MTHFD2L: variants seen among roughly 807,000 people sequenced by gnomAD.
MTHFD2L encodes the protein methylenetetrahydrofolate dehydrogenase (NADP+ dependent) 2 like, also known as bifunctional methylenetetrahydrofolate dehydrogenase/cyclohydrolase 2, mitochondrial.
MTHFD2L carries 29 observed loss-of-function variants against 34.9 expected under a neutral mutation model. The observed-to-expected ratio is 0.83, with a 90% CI of 0.62 to 1.13. The LOEUF is 1.13. Ranked by LOEUF, MTHFD2L falls within the 50% of genes most tolerant of loss-of-function variation. The pLI is 0.00. For missense variants in MTHFD2L, 481 were observed against 446.5 expected (o/e 1.08, Z -0.70); for synonymous variants, 167 against 155.7 (o/e 1.07, Z -0.54).
chr4:74,239,428 G>T (rs765036541), intron 6 of MTHFD2L, among the ~76,000 whole-genome samples: 1 of 151,086 alleles, frequency 6.6e-6, no homozygotes. Context: ...AATGGCCCAT[G>T]TATACCTATG....
intron 1 of MTHFD2L, among the ~76,000 whole-genome samples, chr4:74,138,990 T>G (rs527605551): frequency 6.6e-6 from 1 of 152,276 alleles, no homozygotes; most frequent in East Asian, 1.9e-4. Flanking sequence ...ATAAGCCCAG[T>G]GTTTAAAGGT....
chr4:74,237,316 A>G (rs1009755722), intron 6 of MTHFD2L, among the ~76,000 whole-genome samples: 3 of 151,862 alleles, frequency 2.0e-5, no homozygotes, highest in Non-Finnish European at 2.9e-5. Flanking sequence ...GGACTAGAAA[A>G]CTCCCTGTTC....
At chr4:74,225,137 G>C (rs955621518) in intron 5 of MTHFD2L, among the ~76,000 whole-genome samples, 165 bp from the exon 6 acceptor site, 1 of 151,984 alleles carries the variant, frequency 6.6e-6, no homozygotes, top group Non-Finnish European at 1.5e-5. Flanking sequence ...ACAATATTTT[G>C]GTTCCTCTTG....
At chr4:74,286,862 A>G (rs1327042144) in intron 7 of MTHFD2L, among the ~76,000 whole-genome samples, 4 of 152,146 alleles carry the variant, frequency 2.6e-5, no homozygotes, top group Non-Finnish European at 4.4e-5. Context: ...ATTGGTTTAT[A>G]CTAAAACAAG....
chr4:74,266,995 G>A (rs1213700872), intron 6 of MTHFD2L: 2 of 985,234 alleles, frequency 2.0e-6, no homozygotes, highest in South Asian at 4.7e-5. Context: ...TGAGCTCTGG[G>A]GAACCTAAAG....
upstream of MTHFD2L, among the ~76,000 whole-genome samples, chr4:74,123,896 A>C (rs567571863): frequency 2.6e-5 from 4 of 152,160 alleles, no homozygotes; most frequent in Admixed American, 6.6e-5. Context: ...ATTTGCATTA[A>C]ATTTGGAATT....
chr4:74,295,337 C>T (rs1378872615), intron 7 of MTHFD2L, among the ~76,000 whole-genome samples: 1 of 152,050 alleles, frequency 6.6e-6, no homozygotes, highest in Non-Finnish European at 1.5e-5. Context: ...TTTCTCTTTC[C>T]CTTTCTTCCC....
At chr4:74,226,984 A>G (rs1451368029) in intron 6 of MTHFD2L, among the ~76,000 whole-genome samples, 1 of 152,148 alleles carries the variant, frequency 6.6e-6, no homozygotes, top group Non-Finnish European at 1.5e-5. Flanking sequence ...CCTTTTGAGT[A>G]GAGTTCTTGT....
At chr4:74,138,057 A>T (rs921970022) in intron 1 of MTHFD2L, among the ~76,000 whole-genome samples, 6 of 150,252 alleles carry the variant, frequency 4.0e-5, no homozygotes, top group Non-Finnish European at 8.9e-5. Context: ...CATAAATTTT[A>T]TATATATATA....
intron 3 of MTHFD2L, among the ~76,000 whole-genome samples, chr4:74,199,252 A>G (rs1733996919): frequency 6.6e-6 from 1 of 152,098 alleles, no homozygotes; most frequent in African/African-American, 2.4e-5. Context: ...TCACTGTGAC[A>G]ATGCTTTAGA....
At chr4:74,215,257 T>A (rs1737010984) in intron 5 of MTHFD2L, among the ~76,000 whole-genome samples, 1 of 151,836 alleles carries the variant, frequency 6.6e-6, no homozygotes, top group African/African-American at 2.4e-5. Context: ...AAAAAACTCC[T>A]GCAGCTAGCT....
chr4:74,193,089 T>C (rs1160082728), intron 3 of MTHFD2L, among the ~76,000 whole-genome samples: 1 of 152,210 alleles, frequency 6.6e-6, no homozygotes, highest in African/African-American at 2.4e-5. Context: ...CTTTTATGTT[T>C]AGATTTCTAA....
intron 7 of MTHFD2L, among the ~76,000 whole-genome samples, chr4:74,290,998 C>CTTTTTTTTTTTTTT (rs1560565979): frequency 6.5e-5 from 3 of 46,188 alleles, no homozygotes; most frequent in African/African-American, 2.0e-4. Flanking sequence ...TTTATTTTTC[C>CTTTTTTTTTTTTTT]TTTTCTTTTT....
At chr4:74,137,858 A>G (rs477628) in intron 1 of MTHFD2L, among the ~76,000 whole-genome samples, 150,727 of 152,204 alleles carry the variant, frequency 0.99, 74,655 homozygotes, top group East Asian at 1. Flanking sequence ...CCAAGCACAG[A>G]CAAACAAATA....
At chr4:74,270,231 A>T (rs1031408644) in intron 6 of MTHFD2L, among the ~76,000 whole-genome samples, 2 of 151,932 alleles carry the variant, frequency 1.3e-5, no homozygotes, top group African/African-American at 4.8e-5. Context: ...CAGGTTTGTT[A>T]CGTATGTATA....
intron 2 of MTHFD2L, among the ~76,000 whole-genome samples, chr4:74,116,133 T>C (rs1265447119): frequency 6.6e-6 from 1 of 152,188 alleles, no homozygotes; most frequent in Non-Finnish European, 1.5e-5. Flanking sequence ...CAACCTTGTC[T>C]CTTCCATACC....
chr4:74,253,336 C>A (rs920044761), intron 6 of MTHFD2L, among the ~76,000 whole-genome samples: 1 of 152,112 alleles, frequency 6.6e-6, no homozygotes, highest in Admixed American at 6.5e-5. Flanking sequence ...ATAGGAGTTT[C>A]TAGCACTTGC....
At chr4:74,295,554 T>A (rs1749525911) in intron 7 of MTHFD2L, among the ~76,000 whole-genome samples, 1 of 152,194 alleles carries the variant, frequency 6.6e-6, no homozygotes, top group Admixed American at 6.6e-5. Context: ...ATTAGAGAAA[T>A]GTGCAAACAC....
At chr4:74,185,101 G>A (rs1335767206) in intron 3 of MTHFD2L, among the ~76,000 whole-genome samples, 8 of 128,628 alleles carry the variant, frequency 6.2e-5, no homozygotes, top group African/African-American at 2.2e-4. Flanking sequence ...GCAGTGAGCC[G>A]AGATTAAGCC....
Sources: gnomAD v4.1 joint callset for allele counts (sites outside exome capture counted in the v4.1 genomes callset) on GRCh38, gnomAD v4.1.1 for gene constraint, MANE v1.5 for transcripts, NCBI Gene and HGNC (gene_info 2026-07-23, HGNC 2026-07-21) for gene names.